The following PCDHGA10 variants were observed in gnomAD, a reference collection of about 807,000 sequenced individuals.
PCDHGA10 encodes protocadherin gamma-A10.
In PCDHGA10, 42 loss-of-function variants were observed where a neutral mutation model predicts 59.5. That is an observed-to-expected ratio of 0.71 (90% CI 0.55 to 0.91). The LOEUF is 0.91. Ranked by LOEUF, PCDHGA10 falls within the 40% of genes least tolerant of loss-of-function variation. PCDHGA10 has a pLI of 0.00. For synonymous variants in PCDHGA10, 511 were observed against 517.2 expected (o/e 0.99, Z 0.16); for missense variants, 1,111 against 1,198.2 (o/e 0.93, Z 1.07).
chr5:141,421,455 C>A (rs762490406), intron 1 of PCDHGA10: 1 of 1,614,108 alleles, frequency 6.2e-7, no homozygotes, highest in South Asian at 1.1e-5. Flanking sequence ...CACAGCTTTT[C>A]GCTGTGAATC....
chr5:141,415,906 A>G, intron 1 of PCDHGA10: 1 of 784,990 alleles, frequency 1.3e-6, no homozygotes, highest in Non-Finnish European at 1.8e-6. Context: ...ACAGACTTCC[A>G]TACAGAAGTG....
At position 141,491,423 on chromosome 5, in the gene PCDHGA10, G is replaced by C; in HGVS notation, c.2437-3384G>C. On this transcript the variant is annotated intron_variant, in intron 1 of 3. Transcript: ENST00000398610. The surrounding 1 kb of genome is among the most constrained non-coding windows in gnomAD (Gnocchi z 6.9). ...AACGCAGACGGGGACGGGGGTGGAG[G>C]GCAGTGCTGCAGGCGCCAGGACTCA... 1 of 1,614,126 alleles carries C rather than the reference G, an allele frequency of 6.2e-7. No individual in the cohort carries two copies. Among genetic ancestry groups the C allele is most frequent in the South Asian group, 1.1e-5 (1 of 91,090 alleles).
At chr5:141,433,877 A>G (rs1481965040) in intron 1 of PCDHGA10, among the ~76,000 whole-genome samples, 5 of 151,470 alleles carry the variant, frequency 3.3e-5, no homozygotes, top group Admixed American at 6.6e-5. Context: ...AGTTTCATCC[A>G]TTGATGACAC....
At chr5:141,501,036 T>C (rs893597004) in intron 2 of PCDHGA10, among the ~76,000 whole-genome samples, 4 of 151,702 alleles carry the variant, frequency 2.6e-5, no homozygotes, top group Non-Finnish European at 4.4e-5. Flanking sequence ...GCCCAGCTAA[T>C]TTTTGTATTT....
intron 1 of PCDHGA10, chr5:141,426,591 A>G: frequency 1.4e-5 from 5 of 369,676 alleles, no homozygotes; most frequent in South Asian, 7.9e-5. Context: ...CCTCTGTGTC[A>G]TACCCTTAGA....
Position 141,413,581 on chromosome 5 carries a change from A to T in PCDHGA10, c.406A>T (p.Lys136Ter). Residue 136 changes from lysine (K) to a stop codon, truncating the protein, a stop_gained, in exon 1 of 4, where the codon AAA (lysine) becomes TAA (stop). Transcript: ENST00000398610. LOFTEE classifies it high-confidence loss of function. Reference sequence around the variant, plus strand: ...AACTGATATCAATGACAATGCTCCAAAATTCCAAGCAGAAAATCTAGACGT... The same window carrying T: ...AACTGATATCAATGACAATGCTCCATAATTCCAAGCAGAAAATCTAGACGT... ...EVTDINDNAP[K>*]FQAENLDVKI... 1.9e-6 allele frequency: 3 copies of T among 1,613,920 alleles called. No homozygotes were observed. The highest frequency in any genetic ancestry group is 2.5e-6 in the Non-Finnish European group (3 of 1,179,904).
rs542113846 is a variant in PCDHGA10 at position 141,433,037 on chromosome 5, A to G, written c.2436+17426A>G. ...GACCTATTCCCACGAGGTTTCCCTCACCACGGACTCGCGGAAGAGTCACCT... is the reference window on the plus strand; with the variant it reads ...GACCTATTCCCACGAGGTTTCCCTCGCCACGGACTCGCGGAAGAGTCACCT... On this transcript the variant is annotated intron_variant, in intron 1 of 3. Coordinates refer to ENST00000398610, the MANE Select transcript of PCDHGA10 (RefSeq NM_018913.3). 249 of 1,614,172 alleles carry G rather than the reference A, an allele frequency of 1.5e-4. 6 individuals are homozygous for G. The South Asian group carries it at 2.5e-3, about 16-fold the overall frequency.
chr5:141,431,354 G>C lies in PCDHGA10; in HGVS notation c.2436+15743G>C. 6.2e-7 allele frequency: 1 copy of C among 1,614,036 alleles called. No individual in the cohort carries two copies. Among genetic ancestry groups the C allele is most frequent in the Non-Finnish European group, 8.5e-7 (1 of 1,180,038 alleles). ...GTACCCCGAATTGGTGCTGAAACGC[G>C]CCCTGGACCGCGAAGAAAAGGCTGC... On this transcript the variant is annotated intron_variant, in intron 1 of 3. Transcript: ENST00000398610. This position sits in a 1 kb window ranked among gnomAD's most constrained non-coding sequence, Gnocchi z 4.8.
chr5:141,491,714 C>T lies in PCDHGA10; in HGVS notation c.2437-3093C>T, dbSNP rs1321811999. 2 of 1,608,744 alleles carry T rather than the reference C, an allele frequency of 1.2e-6. No individual in the cohort carries two copies. Among genetic ancestry groups the T allele is most frequent in the Non-Finnish European group, 1.7e-6 (2 of 1,177,916 alleles). The stretch of plus-strand genomic sequence containing the variant: ...GAGCGGAGCCAGGTGAGGGGCTCGG[C>T]GCCGCCCCGGGCGACCCCTGGGGGC... On this transcript the variant is annotated intron_variant, in intron 1 of 3. Coordinates refer to ENST00000398610, the MANE Select transcript of PCDHGA10 (RefSeq NM_018913.3). The surrounding 1 kb of genome is among the most constrained non-coding windows in gnomAD (Gnocchi z 6.9).
At chr5:141,508,806 C>T (rs1243735850) in intron 3 of PCDHGA10, among the ~76,000 whole-genome samples, 1 of 152,066 alleles carries the variant, frequency 6.6e-6, no homozygotes, top group African/African-American at 2.4e-5. Flanking sequence ...AATCCTGGCT[C>T]TTTGAAGCCA....
In PCDHGA10 at chr5:141,415,305, C is replaced by G. The variant is rs200439097; in HGVS notation, c.2130C>G (p.Ala710=). 6.2e-7 allele frequency: 1 copy of G among 1,614,234 alleles called. No individual in the cohort carries two copies. The highest frequency in any genetic ancestry group is 1.3e-5 in the African/African-American group (1 of 75,076). ...AVAAVSCVFL[A]FVIVLLAHRL... ...CCGCGGTCTCCTGCGTCTTCCTGGC[C>G]TTCGTCATCGTGCTGCTGGCGCACA... The change falls in exon 1 of 4, where the codon GCC becomes GCG. Residue 710 remains alanine (A), a synonymous_variant. Transcript: ENST00000398610.
chr5:141,511,351 C>T lies in PCDHGA10; in HGVS notation c.*178C>T. The T allele has an allele frequency of 3.6e-6, 5 of 1,386,550 alleles. No individual in the cohort carries two copies. Among genetic ancestry groups the T allele is most frequent in the South Asian group, 1.5e-5 (1 of 67,154 alleles). The allele number at this position is 1,386,550 out of a possible 1,614,324, so 85.9% of individuals were successfully genotyped here. On this transcript the variant is annotated 3_prime_UTR_variant, in exon 4 of 4. Transcript: ENST00000398610. ...CCAGTCAGCACCTACCCCTTCCCCC[C>T]CAGGGGGTTGAATATGCAAAAGCAG...
Position 141,432,617 on chromosome 5 carries a change from G to T in PCDHGA10, c.2436+17006G>T, listed in dbSNP as rs2097521313. The T allele has an allele frequency of 6.2e-7, 1 of 1,613,578 alleles. No homozygotes were observed. The highest frequency in any genetic ancestry group is 1.3e-5 in the African/African-American group (1 of 74,842). On this transcript the variant is annotated intron_variant, in intron 1 of 3. Coordinates refer to ENST00000398610, the MANE Select transcript of PCDHGA10 (RefSeq NM_018913.3). This position sits in a 1 kb window ranked among gnomAD's most constrained non-coding sequence, Gnocchi z 6.0. ...CAGCGAGCCGGGACTCTTCTCGGTGGGTCTGCACACGGGCGAGGTGCGCAC... is the reference window on the plus strand; with the variant it reads ...CAGCGAGCCGGGACTCTTCTCGGTGTGTCTGCACACGGGCGAGGTGCGCAC...
At chr5:141,455,058 C>G (rs1350223657) in intron 1 of PCDHGA10, among the ~76,000 whole-genome samples, 9 of 151,814 alleles carry the variant, frequency 5.9e-5, no homozygotes, top group Admixed American at 5.9e-4. Context: ...GTGATCCGCC[C>G]GCCTCGGCCT....
intron 1 of PCDHGA10, among the ~76,000 whole-genome samples, chr5:141,471,107 G>T (rs1023848236): frequency 1.3e-5 from 2 of 148,554 alleles, no homozygotes; most frequent in East Asian, 2.0e-4. Context: ...AGAGTGCAGT[G>T]GTGCGATCTT....
intron 1 of PCDHGA10, chr5:141,423,111 T>C (rs1394665462): frequency 3.1e-6 from 5 of 1,613,718 alleles, no homozygotes; most frequent in South Asian, 1.1e-5. Flanking sequence ...GCGAGGTGCG[T>C]ACAGCGCGGG....
At position 141,505,489 on chromosome 5, in the gene PCDHGA10, G is replaced by A. The variant is rs759637750; in HGVS notation, c.2584+8G>A. On this transcript the variant is annotated splice_region_variant and intron_variant, in intron 3 of 3. Coordinates refer to ENST00000398610, the MANE Select transcript of PCDHGA10 (RefSeq NM_018913.3). ...TCTTGGCGTCCGCCAGTGGTAAGTG[G>A]TGTCAGTGTGTGTATGGAAGAGTGG... The A allele has an allele frequency of 6.2e-7, 1 of 1,614,218 alleles. No homozygotes were observed. The highest frequency in any genetic ancestry group is 1.7e-5 in the Admixed American group (1 of 60,032).
At position 141,431,277 on chromosome 5, in the gene PCDHGA10, G is replaced by T; in HGVS notation, c.2436+15666G>T. 6.2e-7 allele frequency: 1 copy of T among 1,614,160 alleles called. No homozygotes were observed. The highest frequency in any genetic ancestry group is 1.3e-5 in the African/African-American group (1 of 75,062). On this transcript the variant is annotated intron_variant, in intron 1 of 3. Transcript: ENST00000398610. This position sits in a 1 kb window ranked among gnomAD's most constrained non-coding sequence, Gnocchi z 4.8. ...AACTCTCTGCAGAGCTACGAGCTCAGCCCGAACACTCACTTCTCCCTCATC... is the reference window on the plus strand; with the variant it reads ...AACTCTCTGCAGAGCTACGAGCTCATCCCGAACACTCACTTCTCCCTCATC...
intron 2 of PCDHGA10, 107 bp from the exon 3 acceptor site, chr5:141,505,286 A>T: frequency 3.2e-6 from 5 of 1,551,278 alleles, no homozygotes; most frequent in Non-Finnish European, 4.4e-6. Flanking sequence ...GGTCTTGGGC[A>T]TGGGGTAGGG....
Sources: allele counts gnomAD v4.1 joint callset (sites outside exome capture counted in the v4.1 genomes callset), GRCh38; gene constraint gnomAD v4.1.1; non-coding constraint Gnocchi (gnomAD v3.1); transcripts MANE v1.5; gene names NCBI Gene and HGNC (gene_info 2026-07-23, HGNC 2026-07-21).